MYPN: variants seen among roughly 807,000 people sequenced by gnomAD.
The protein encoded by MYPN is myopalladin.
Under a neutral mutation model 129.4 loss-of-function variants are expected in MYPN, and 63 were observed. The observed-to-expected ratio is 0.49, with a 90% confidence interval of 0.40 to 0.60. The LOEUF is 0.60. Among genes scored for constraint, MYPN ranks in the 20% least tolerant of loss-of-function variants. The probability of loss-of-function intolerance (pLI) is 0.00; values close to 1 mark genes in which losing one functional copy is unlikely to be tolerated. For missense variants in MYPN, 1,596 were observed against 1,635.4 expected (o/e 0.98, Z 0.42); for synonymous variants, 629 against 600.9 (o/e 1.05, Z -0.68).
chr10:68,147,577 C>T (rs569607150), intron 4 of MYPN, among the ~76,000 whole-genome samples: 1 of 152,280 alleles, frequency 6.6e-6, no homozygotes, highest in South Asian at 2.1e-4. Context: ...GGTGAGAGGC[C>T]CATGTCCCAA....
chr10:68,159,380 A>C (rs1175675959), intron 7 of MYPN, among the ~76,000 whole-genome samples: 1 of 152,204 alleles, frequency 6.6e-6, no homozygotes, highest in Admixed American at 6.5e-5. Context: ...TTTATTAAAA[A>C]TCTTCACTAA....
chr10:68,094,712 TA>T (rs1448936188), intron 1 of MYPN, among the ~76,000 whole-genome samples: 1 of 152,156 alleles, frequency 6.6e-6, no homozygotes, highest in Non-Finnish European at 1.5e-5. Flanking sequence ...CACTGGGTCT[TA>T]AAGTTTAGCA....
chr10:68,113,014 A>G (rs2042102564), intron 1 of MYPN, among the ~76,000 whole-genome samples: 2 of 152,228 alleles, frequency 1.3e-5, no homozygotes, highest in African/African-American at 4.8e-5. Context: ...GGGTGATATC[A>G]TTGGATATAG....
chr10:68,174,000 T>C (rs894501869), intron 10 of MYPN, 66 bp from the exon 11 acceptor site: 2 of 1,277,744 alleles, frequency 1.6e-6, no homozygotes, highest in Non-Finnish European at 2.3e-6. Flanking sequence ...GTCTGAACAT[T>C]GTTTGAAAGG....
chr10:68,190,805 T>C (rs941296714), intron 13 of MYPN, among the ~76,000 whole-genome samples: 5 of 152,198 alleles, frequency 3.3e-5, no homozygotes, highest in African/African-American at 1.2e-4. Flanking sequence ...CTTCTAGTAG[T>C]TTCATAGTTT....
intron 1 of MYPN, among the ~76,000 whole-genome samples, chr10:68,098,941 A>G (rs2041969793): frequency 6.6e-6 from 1 of 152,256 alleles, no homozygotes; most frequent in Non-Finnish European, 1.5e-5. Context: ...GACCTTTAAA[A>G]TAAAGTTCAC....
chr10:68,173,652 A>T (rs2043177314), intron 10 of MYPN, among the ~76,000 whole-genome samples: 1 of 150,876 alleles, frequency 6.6e-6, no homozygotes, highest in Admixed American at 6.6e-5. Flanking sequence ...CTGAAGCTGG[A>T]GTGAGGTGGC....
At chr10:68,183,865 A>G (rs1443885778) in intron 12 of MYPN, among the ~76,000 whole-genome samples, 2 of 152,118 alleles carry the variant, frequency 1.3e-5, no homozygotes, top group African/African-American at 2.4e-5. Flanking sequence ...TAGAAAAAAA[A>G]TTAAAAATTA....
intron 10 of MYPN, 58 bp downstream of exon 10, chr10:68,166,724 TCTC>T (rs2043061824): frequency 1.9e-6 from 3 of 1,600,446 alleles, no homozygotes; most frequent in Admixed American, 1.7e-5. Flanking sequence ...TTGAATCTGA[TCTC>T]CTTAAAAGTA....
intron 10 of MYPN, among the ~76,000 whole-genome samples, chr10:68,169,300 G>C (rs1419663432): frequency 6.6e-6 from 1 of 150,658 alleles, no homozygotes; most frequent in East Asian, 1.9e-4. Flanking sequence ...GGAGCTTGCA[G>C]TGGGCCAAGA....
intron 10 of MYPN, among the ~76,000 whole-genome samples, chr10:68,170,790 A>T (rs1308849169): frequency 6.6e-6 from 1 of 152,188 alleles, no homozygotes; most frequent in Non-Finnish European, 1.5e-5. Context: ...ACTCAATTGA[A>T]TCAGAATCTC....
chr10:68,183,780 C>T (rs528351844), intron 12 of MYPN, among the ~76,000 whole-genome samples: 4 of 152,204 alleles, frequency 2.6e-5, no homozygotes, highest in Non-Finnish European at 4.4e-5. Flanking sequence ...TCCCAACACT[C>T]TGGGAAGCCA....
At chr10:68,146,296 T>G (rs2042665824) in intron 4 of MYPN, among the ~76,000 whole-genome samples, 1 of 152,180 alleles carries the variant, frequency 6.6e-6, no homozygotes, top group South Asian at 2.1e-4. Context: ...TTTGCTAGGA[T>G]TGCCCTATCT....
chr10:68,134,275 T>G (rs2042452640), intron 2 of MYPN, among the ~76,000 whole-genome samples: 1 of 152,092 alleles, frequency 6.6e-6, no homozygotes, highest in South Asian at 2.1e-4. Flanking sequence ...CATATTACAT[T>G]CTAGATGAGG....
intron 10 of MYPN, among the ~76,000 whole-genome samples, chr10:68,166,997 C>G (rs1328589321): frequency 6.6e-6 from 1 of 152,098 alleles, no homozygotes; most frequent in African/African-American, 2.4e-5. Context: ...TGTGATCGTG[C>G]CACTGTACCC....
At chr10:68,192,610 G>A (rs1413860365) in intron 13 of MYPN, among the ~76,000 whole-genome samples, 1 of 152,088 alleles carries the variant, frequency 6.6e-6, no homozygotes, top group East Asian at 1.9e-4. Flanking sequence ...TTAAATGTTT[G>A]GTAGAATTCA....
chr10:68,209,516 C>T (rs2043870649), intron 19 of MYPN, among the ~76,000 whole-genome samples: 1 of 152,080 alleles, frequency 6.6e-6, no homozygotes, highest in African/African-American at 2.4e-5. Context: ...TTCATTTCTG[C>T]AGCTTTCTTG....
intron 4 of MYPN, among the ~76,000 whole-genome samples, chr10:68,146,172 T>G (rs967930095): frequency 1.3e-5 from 2 of 152,310 alleles, no homozygotes; most frequent in South Asian, 2.1e-4. Flanking sequence ...CAGTAGAGCA[T>G]CAACCAGGTT....
At chr10:68,108,506 G>A (rs1036034912), upstream of MYPN, among the ~76,000 whole-genome samples, 2 of 152,076 alleles carry the variant, frequency 1.3e-5, no homozygotes, top group Non-Finnish European at 2.9e-5. Context: ...AACCCTATAA[G>A]CAGTTGTATG....
Sources: gnomAD v4.1 joint callset for allele counts (sites outside exome capture counted in the v4.1 genomes callset) on GRCh38, gnomAD v4.1.1 for gene constraint, MANE v1.5 for transcripts, NCBI Gene and HGNC (gene_info 2026-07-23, HGNC 2026-07-21) for gene names.